Variants in CNTNAP2 observed in about 807,000 individuals in gnomAD.
The protein encoded by CNTNAP2 is contactin associated protein 2.
A neutral mutation model predicts 155.2 loss-of-function variants in CNTNAP2; 98 were observed. The ratio of observed to expected loss-of-function variants is 0.63; its 90% CI spans 0.54 to 0.75. The LOEUF (loss-of-function observed/expected upper bound fraction) is 0.75. Among genes scored for constraint, CNTNAP2 ranks in the 30% least tolerant of loss-of-function variants. The pLI, the probability that CNTNAP2 is intolerant of heterozygous loss-of-function variation, is 0.00. For synonymous variants in CNTNAP2, 651 were observed against 631.2 expected (o/e 1.03, Z -0.47); for missense variants, 1,727 against 1,688.1 (o/e 1.02, Z -0.40).
At chr7:147,192,713 C>T (rs1191811305) in intron 8 of CNTNAP2, among the ~76,000 whole-genome samples, 1 of 152,114 alleles carries the variant, frequency 6.6e-6, no homozygotes, top group Non-Finnish European at 1.5e-5. Flanking sequence ...GTTCCCTTTC[C>T]TTTCTCTTAT....
At chr7:147,321,888 T>C (rs1404704) in intron 9 of CNTNAP2, among the ~76,000 whole-genome samples, 74,679 of 152,022 alleles carry the variant, frequency 0.49, 19,512 homozygotes, top group East Asian at 0.73. Context: ...GTACAAACTA[T>C]GGTATGAGTT....
intron 12 of CNTNAP2, among the ~76,000 whole-genome samples, chr7:147,615,884 T>C (rs1358944942): frequency 1.3e-5 from 2 of 152,142 alleles, no homozygotes; most frequent in Non-Finnish European, 2.9e-5. Context: ...TGACTCTCTT[T>C]CTGTTGAAAC....
At chr7:147,064,838 A>G (rs1799748847) in intron 4 of CNTNAP2, among the ~76,000 whole-genome samples, 1 of 152,170 alleles carries the variant, frequency 6.6e-6, no homozygotes, top group Non-Finnish European at 1.5e-5. Context: ...ACCTTGTTTC[A>G]GTCCAGAAAG....
At chr7:147,013,028 AC>A in intron 3 of CNTNAP2, among the ~76,000 whole-genome samples, 1 of 152,172 alleles carries the variant, frequency 6.6e-6, no homozygotes, top group Non-Finnish European at 1.5e-5. Context: ...AACCATTTTG[AC>A]CCCCCAAAAT....
At chr7:146,973,869 C>A (rs1797854735) in intron 3 of CNTNAP2, among the ~76,000 whole-genome samples, 1 of 152,162 alleles carries the variant, frequency 6.6e-6, no homozygotes, top group South Asian at 2.1e-4. Flanking sequence ...TAATCATAAT[C>A]TCTTCCCTTT....
intron 1 of CNTNAP2, among the ~76,000 whole-genome samples, chr7:146,149,626 A>G (rs1798007477): frequency 1.3e-5 from 2 of 152,152 alleles, no homozygotes; most frequent in Admixed American, 1.3e-4. Context: ...TCTTCCAAAA[A>G]GGCACCAAAG....
intron 8 of CNTNAP2, among the ~76,000 whole-genome samples, chr7:147,251,937 C>T (rs1196249028): frequency 1.3e-5 from 2 of 151,680 alleles, no homozygotes; most frequent in Non-Finnish European, 2.9e-5. Context: ...AAGTTTAATT[C>T]AATGGATATA....
intron 13 of CNTNAP2, among the ~76,000 whole-genome samples, chr7:147,745,437 T>G (rs1797022273): frequency 6.6e-6 from 1 of 152,184 alleles, no homozygotes; most frequent in Non-Finnish European, 1.5e-5. Flanking sequence ...TTGAATATGT[T>G]AAGAGAGAAA....
intron 1 of CNTNAP2, among the ~76,000 whole-genome samples, chr7:146,378,260 T>C (rs542168001): frequency 2.6e-5 from 4 of 152,308 alleles, no homozygotes; most frequent in Non-Finnish European, 4.4e-5. Flanking sequence ...TTACAAATGA[T>C]ATTTGAGTTT....
At chr7:146,150,652 A>T (rs1400111228) in intron 1 of CNTNAP2, among the ~76,000 whole-genome samples, 12 of 152,008 alleles carry the variant, frequency 7.9e-5, no homozygotes, top group Admixed American at 5.3e-4. Context: ...TTTTGATTCT[A>T]TAATTCCTTT....
chr7:147,880,251 A>C (rs1190998579), intron 13 of CNTNAP2, among the ~76,000 whole-genome samples: 2 of 152,204 alleles, frequency 1.3e-5, no homozygotes, highest in Admixed American at 6.5e-5. Flanking sequence ...TGGACAAAAG[A>C]AACAGTGGAC....
chr7:147,077,276 A>G (rs2129267239), intron 4 of CNTNAP2, among the ~76,000 whole-genome samples: 1 of 152,254 alleles, frequency 6.6e-6, no homozygotes, highest in East Asian at 1.9e-4. Flanking sequence ...CTACATTTGT[A>G]TCTTTAGTTC....
At chr7:147,301,592 C>CTGTGTG (rs10585570) in intron 9 of CNTNAP2, among the ~76,000 whole-genome samples, 15 of 101,770 alleles carry the variant, frequency 1.5e-4, no homozygotes, top group South Asian at 3.3e-4. Context: ...CTCTCTCTCT[C>CTGTGTG]TGTGTGTGTG....
intron 3 of CNTNAP2, among the ~76,000 whole-genome samples, chr7:146,945,755 C>T (rs1584739931): frequency 6.6e-6 from 1 of 152,068 alleles, no homozygotes; most frequent in Admixed American, 6.5e-5. Flanking sequence ...AATGTTGCTG[C>T]TTTTCTTAAA....
intron 10 of CNTNAP2, among the ~76,000 whole-genome samples, chr7:147,437,260 A>G (rs2116540453): frequency 6.6e-6 from 1 of 152,226 alleles, no homozygotes. Context: ...GAAAGTATGT[A>G]GTTTGATGTT....
intron 1 of CNTNAP2, among the ~76,000 whole-genome samples, chr7:146,277,054 A>G (rs1187227507): frequency 6.6e-6 from 1 of 152,148 alleles, no homozygotes; most frequent in Non-Finnish European, 1.5e-5. Context: ...GCGTGTCTTT[A>G]TGCAATAGAC....
chr7:148,122,579 C>T (rs2116615511), intron 16 of CNTNAP2, among the ~76,000 whole-genome samples: 1 of 152,180 alleles, frequency 6.6e-6, no homozygotes, highest in South Asian at 2.1e-4. Flanking sequence ...CACAGATGAG[C>T]ACCCAATGCA....
chr7:147,982,194 C>T (rs1162945290), intron 15 of CNTNAP2, among the ~76,000 whole-genome samples: 1 of 152,064 alleles, frequency 6.6e-6, no homozygotes, highest in African/African-American at 2.4e-5. Context: ...ATTTGCTAGA[C>T]AATTGCTTTA....
chr7:147,723,499 A>G (rs1271667454), intron 13 of CNTNAP2, among the ~76,000 whole-genome samples: 1 of 151,998 alleles, frequency 6.6e-6, no homozygotes, highest in East Asian at 1.9e-4. Flanking sequence ...TCATCGGGAC[A>G]TTGGTAAGGA....
Sources: allele counts gnomAD v4.1 joint callset (sites outside exome capture counted in the v4.1 genomes callset), GRCh38; gene constraint gnomAD v4.1.1; transcripts MANE v1.5; gene names NCBI Gene and HGNC (gene_info 2026-07-23, HGNC 2026-07-21).